Variants in DNMT3L observed in about 807,000 individuals in gnomAD.
The protein encoded by DNMT3L is DNA methyltransferase 3 like, also known as DNA (cytosine-5)-methyltransferase 3-like.
In DNMT3L, 33 loss-of-function variants were observed where a neutral mutation model predicts 36.2. That is an observed-to-expected ratio of 0.91 (90% CI 0.69 to 1.22). The LOEUF is 1.22. Ranked by LOEUF, DNMT3L falls within the 50% of genes most tolerant of loss-of-function variation. The pLI is 0.00. For missense variants in DNMT3L, 310 were observed against 303.1 expected (o/e 1.02, Z -0.17); for synonymous variants, 117 against 121.7 (o/e 0.96, Z 0.26).
rs1266473810 is a variant in DNMT3L at position 44,256,169 on chromosome 21, A to G, written c.517-15T>C. The G allele has an allele frequency of 6.2e-7, 1 of 1,613,288 alleles. No homozygotes were observed. The highest frequency in any genetic ancestry group is 1.3e-5 in the African/African-American group (1 of 74,862). ...AGGGGATTCTCCTATTTATTAAAAAACCAAAACAGGACATTGTGCCGGCTA... is the reference window on the plus strand; with the variant it reads ...AGGGGATTCTCCTATTTATTAAAAAGCCAAAACAGGACATTGTGCCGGCTA... On this transcript the variant is annotated splice_polypyrimidine_tract_variant and intron_variant, in intron 6 of 11. Transcript: ENST00000628202.
intron 6 of DNMT3L, 95 bp from the exon 7 acceptor site, chr21:44,256,249 A>C: frequency 7.9e-7 from 1 of 1,264,488 alleles, no homozygotes; most frequent in Non-Finnish European, 1.1e-6. Flanking sequence ...ATGAACACTC[A>C]CTCGAGACTC....
chr21:44,254,568 C>A (rs191056939), intron 8 of DNMT3L, 49 bp downstream of exon 8: 1 of 1,596,136 alleles, frequency 6.3e-7, no homozygotes, highest in East Asian at 2.3e-5. Context: ...TGAGGAAGCT[C>A]GCACCCCCGC....
chr21:44,256,238 G>A, intron 6 of DNMT3L, 84 bp from the exon 7 acceptor site: 2 of 1,391,692 alleles, frequency 1.4e-6, no homozygotes, highest in Admixed American at 1.7e-5. Flanking sequence ...TTCTTCCCTG[G>A]ATGAACACTC....
At position 44,258,662 on chromosome 21, in the gene DNMT3L, A is replaced by G. The variant is rs1189514174; in HGVS notation, c.377T>C (p.Val126Ala). ...CYCFECVDSL[V>A]GPGTSGKVHA... ...CACCTTCCCCGAGGTCCCGGGGCCG[A>G]CCAGGCTATCCACACACTCGAAGCA... Residue 126 changes from valine (V) to alanine (A), a missense_variant, in exon 6 of 12, where the codon GTC becomes GCC. By Grantham distance (64) the Val-to-Ala change is moderately conservative. Transcript: ENST00000628202. The surrounding 1 kb of genome is among the most constrained non-coding windows in gnomAD (Gnocchi z 6.2). The G allele has an allele frequency of 2.5e-6, 4 of 1,612,850 alleles. No individual in the cohort carries two copies. Among genetic ancestry groups the G allele is most frequent in the Non-Finnish European group, 3.4e-6 (4 of 1,179,954 alleles).
intron 7 of DNMT3L, among the ~76,000 whole-genome samples, 193 bp downstream of exon 7, chr21:44,255,874 G>T (rs956794035): frequency 6.6e-6 from 1 of 151,778 alleles, no homozygotes; most frequent in East Asian, 1.9e-4. Flanking sequence ...TGCCTGCGGG[G>T]CCCAGAAGAC....
At chr21:44,261,383 C>G (rs559302228) in intron 1 of DNMT3L, 117 bp from the exon 2 acceptor site, 43 of 950,972 alleles carry the variant, frequency 4.5e-5, no homozygotes, top group Non-Finnish European at 6.0e-5. Context: ...TTCAGGCCAC[C>G]TGAACCCCCG....
chr21:44,257,142 G>A (rs1429859302), intron 6 of DNMT3L, among the ~76,000 whole-genome samples: 1 of 152,230 alleles, frequency 6.6e-6, no homozygotes, highest in Non-Finnish European at 1.5e-5. Flanking sequence ...CATTTTGGGA[G>A]GCTGAGGCAG....
Position 44,259,503 on chromosome 21 carries a change from T to G in DNMT3L, c.278A>C (p.Gln93Pro), listed in dbSNP as rs1299072861. The G allele has an allele frequency of 4.3e-6, 7 of 1,613,602 alleles. No homozygotes were observed. The highest frequency in any genetic ancestry group is 5.9e-6 in the Non-Finnish European group (7 of 1,180,010). The change falls in exon 5 of 12, where the codon CAA becomes CCA. Residue 93 changes from glutamine (Q) to proline (P), a missense_variant. Transcript: ENST00000628202. ...GGAGCAGCAGATGGAGCAGTAGGAT[T>G]GGTACCCGTCATCGTCGTACAGGAA... ...ALFLYDDDGY[Q>P]SYCSICCSGE...
At chr21:44,255,445 CG>C (rs1185227174) in intron 7 of DNMT3L, among the ~76,000 whole-genome samples, 1 of 149,488 alleles carries the variant, frequency 6.7e-6, no homozygotes, top group South Asian at 2.1e-4. Context: ...TGGTTGAACC[CG>C]GGGGGCAGAG....
rs566297659 is a variant in DNMT3L, at chr21:44,259,071, C to T, written c.344+366G>A. Among the ~76,000 whole-genome samples the T allele has an allele frequency of 7.9e-5, 12 of 152,038 alleles. No homozygotes were observed. In the South Asian group the frequency reaches 2.5e-3, roughly 32 times the overall value. On this transcript the variant is annotated intron_variant, in intron 5 of 11. Transcript: ENST00000628202. ...GGGGAGCTGTAAATACGAGGATGGCCCAGAAGGACCGAGGAGAGGAGCCCA... is the reference window on the plus strand; with the variant it reads ...GGGGAGCTGTAAATACGAGGATGGCTCAGAAGGACCGAGGAGAGGAGCCCA...
intron 8 of DNMT3L, among the ~76,000 whole-genome samples, chr21:44,253,775 C>T (rs991637336): frequency 2.0e-5 from 3 of 152,134 alleles, no homozygotes; most frequent in Non-Finnish European, 4.4e-5. Flanking sequence ...ATCAGAACCC[C>T]GTCTCCTGAT....
chr21:44,257,753 A>T (rs182693414), intron 6 of DNMT3L, among the ~76,000 whole-genome samples: 15 of 152,226 alleles, frequency 9.9e-5, no homozygotes, highest in African/African-American at 3.1e-4. Flanking sequence ...GGCACAGCAG[A>T]AATTATTCTT....
At chr21:44,257,680 C>CAAA (rs60313825) in intron 6 of DNMT3L, among the ~76,000 whole-genome samples, 89 of 120,300 alleles carry the variant, frequency 7.4e-4, no homozygotes, top group Non-Finnish European at 1.2e-3. Context: ...GACTCCGTCT[C>CAAA]AAAAAAAAAA....
At chr21:44,256,199 G>T in intron 6 of DNMT3L, 45 bp from the exon 7 acceptor site, 1 of 1,594,296 alleles carries the variant, frequency 6.3e-7, no homozygotes. Flanking sequence ...CGGCTACTTG[G>T]CTACAGAGCC....
intron 6 of DNMT3L, among the ~76,000 whole-genome samples, chr21:44,257,405 G>A (rs894480769): frequency 4.0e-5 from 6 of 151,642 alleles, no homozygotes; most frequent in African/African-American, 9.7e-5. Context: ...AAACAAGGCC[G>A]GTGCGGTGGC....
At position 44,259,669 on chromosome 21, in the gene DNMT3L, T is replaced by C; in HGVS notation, c.194A>G (p.His65Arg). Reference sequence around the variant, plus strand: ...GCAGATCCCTCCCTCAAACAGAGGGTGCTGTGTGTGAACCTGGAGACTTCC... The same window carrying C: ...GCAGATCCCTCCCTCAAACAGAGGGCGCTGTGTGTGAACCTGGAGACTTCC... ...CCGSLQVHTQ[H>R]PLFEGGICAP... Residue 65 changes from histidine (H) to arginine (R), a missense_variant, in exon 4 of 12, where the codon CAC becomes CGC. Coordinates refer to ENST00000628202, the MANE Select transcript of DNMT3L (RefSeq NM_175867.3). The C allele has an allele frequency of 6.2e-7, 1 of 1,612,888 alleles. No homozygotes were observed. The highest frequency in any genetic ancestry group is 2.2e-5 in the East Asian group (1 of 44,876).
At position 44,256,152 on chromosome 21, in the gene DNMT3L, C is replaced by A; in HGVS notation, c.519G>T (p.Glu173Asp). 3 of 1,613,860 alleles carry A rather than the reference C, an allele frequency of 1.9e-6. No homozygotes were observed. The highest frequency in any genetic ancestry group is 2.5e-6 in the Non-Finnish European group (3 of 1,179,978). The change falls in exon 7 of 12, where the codon GAG (glutamate) becomes GAT (aspartate). Residue 173 changes from glutamate (E) to aspartate (D), a missense_variant and splice_region_variant. By Grantham distance (45) the Glu-to-Asp change is conservative. Coordinates refer to ENST00000628202, the MANE Select transcript of DNMT3L (RefSeq NM_175867.3). ...CGGTTTCGAACATCTCAAGGGGATT[C>A]TCCTATTTATTAAAAAACCAAAACA... ...QLKAFYDRESENPLEMFETVP... is the reference protein window; with the variant it reads ...QLKAFYDRESDNPLEMFETVP...
rs2040258872 is a variant in DNMT3L, at chr21:44,256,303, C to T, written c.517-149G>A. ...ACACACCTGCTGAGGCTGACTGGGCCTGTCCTGACCAGCACTGCCCCCCCA... is the reference window on the plus strand; with the variant it reads ...ACACACCTGCTGAGGCTGACTGGGCTTGTCCTGACCAGCACTGCCCCCCCA... On this transcript the variant is annotated intron_variant, in intron 6 of 11. Coordinates refer to ENST00000628202, the MANE Select transcript of DNMT3L (RefSeq NM_175867.3). 6.4e-6 allele frequency: 5 copies of T among 785,986 alleles called. No homozygotes were observed. The South Asian group carries it at 8.4e-5, about 13-fold the overall frequency. The allele number at this position is 785,986 out of a possible 1,614,324, so 48.7% of individuals were successfully genotyped here. A position where few individuals can be genotyped will look rare whatever the true frequency, so the allele number is the denominator to read the frequency against.
chr21:44,256,669 C>G (rs1251737218), intron 6 of DNMT3L, among the ~76,000 whole-genome samples: 1 of 152,076 alleles, frequency 6.6e-6, no homozygotes, highest in Admixed American at 6.6e-5. Context: ...TCCAGAACCT[C>G]GGAGAAGAGA....
Sources: allele counts gnomAD v4.1 joint callset (sites outside exome capture counted in the v4.1 genomes callset), GRCh38; gene constraint gnomAD v4.1.1; non-coding constraint Gnocchi (gnomAD v3.1); transcripts MANE v1.5; gene names NCBI Gene and HGNC (gene_info 2026-07-23, HGNC 2026-07-21).